CBX8: variants seen among roughly 807,000 people sequenced by gnomAD.
The protein encoded by CBX8 is chromobox protein homolog 8.
A neutral mutation model predicts 39.7 loss-of-function variants in CBX8; 8 were observed. The observed-to-expected ratio is 0.20, with a 90% confidence interval of 0.12 to 0.36. The LOEUF (loss-of-function observed/expected upper bound fraction) is 0.36, where lower values mean the gene tolerates loss of function less well. Ranked by LOEUF, CBX8 falls within the 10% of genes least tolerant of loss-of-function variation. CBX8 has a pLI of 1.00. For missense variants in CBX8, 505 were observed against 529.6 expected, an observed-to-expected ratio of 0.95 and a Z score of 0.46; for synonymous variants, 268 against 219.8, an observed-to-expected ratio of 1.22 and a Z score of -1.94.
Position 79,792,912 on chromosome 17 carries a change from C to A in CBX8, c.*1723G>T, listed in dbSNP as rs1907929443. 1 of 147,930 alleles carries A rather than the reference C, an allele frequency of 6.8e-6. No homozygotes were observed. Among genetic ancestry groups the A allele is most frequent in the East Asian group, 2.2e-4 (1 of 4,634 alleles). The allele number at this position is 147,930 out of a possible 1,614,324, so 9.2% of individuals were successfully genotyped here. Reference sequence around the variant, plus strand: ...ACGCGAAGCTCCCCCACCCCCGACTCCCCGCCTCGCTCCCCCCGAGTCTGT... The same window carrying A: ...ACGCGAAGCTCCCCCACCCCCGACTACCCGCCTCGCTCCCCCCGAGTCTGT... On this transcript the variant is annotated 3_prime_UTR_variant, in exon 5 of 5. Coordinates refer to ENST00000269385, the MANE Select transcript of CBX8 (RefSeq NM_020649.3).
Position 79,795,271 on chromosome 17 carries a change from TCGTTCCCTCTCA to T in CBX8, c.522_533del (p.Glu177_Arg180del). 1.4e-5 allele frequency: 23 copies of T among 1,608,056 alleles called. No homozygotes were observed. The highest frequency in any genetic ancestry group is 1.9e-5 in the Non-Finnish European group (22 of 1,177,458). On this transcript the variant is annotated inframe_deletion, in exon 5 of 5. Coordinates refer to ENST00000269385, the MANE Select transcript of CBX8 (RefSeq NM_020649.3). This position sits in a 1 kb window ranked among gnomAD's most constrained non-coding sequence, Gnocchi z 5.8. ...CATCCACTCTGCTGGTACCCCGCTC[TCGTTCCCTCTCA>T]CGTTCCCGCTCCCTCTCTCGCTCCC...
chr17:79,794,819 C>A lies in CBX8; in HGVS notation c.986G>T (p.Gly329Val). 6.2e-7 allele frequency: 1 copy of A among 1,608,328 alleles called. No homozygotes were observed. The highest frequency in any genetic ancestry group is 1.1e-5 in the South Asian group (1 of 90,612). ...GATCCTGGCGATGAGGGAGGGCCTT[C>A]CCCCCTGGGCCCCCATGTCCCGGTA... ...GLYRDMGAQG[G>V]RPSLIARIPV... Residue 329 changes from glycine (G) to valine (V), a missense_variant, in exon 5 of 5, where the codon GGA (glycine) becomes GTA (valine). Transcript: ENST00000269385.
rs1043714236 is a variant in CBX8 at position 79,795,769 on chromosome 17, G to A, written c.247-211C>T. Among the ~76,000 whole-genome samples the A allele has an allele frequency of 1.3e-5, 2 of 152,190 alleles. No individual in the cohort carries two copies. The highest frequency in any genetic ancestry group is 4.8e-5 in the African/African-American group (2 of 41,428). On this transcript the variant is annotated intron_variant, in intron 4 of 4. Transcript: ENST00000269385. This position sits in a 1 kb window ranked among gnomAD's most constrained non-coding sequence, Gnocchi z 5.8. ...GAGAGGTAGAAGGATGAGAGAAGAG[G>A]TAGAAGATTTGGCTGGAAGTAGTCA...
rs775125297 is a variant in CBX8 at position 79,794,992 on chromosome 17, G to A, written c.813C>T (p.Ala271=). 7.3e-5 allele frequency: 118 copies of A among 1,605,784 alleles called. No individual in the cohort carries two copies. Among genetic ancestry groups the A allele is most frequent in the Non-Finnish European group, 1.4e-5 (16 of 1,175,628 alleles). The change falls in exon 5 of 5, where the codon GCC becomes GCT. Residue 271 remains alanine, a synonymous_variant. Coordinates refer to ENST00000269385, the MANE Select transcript of CBX8 (RefSeq NM_020649.3). ...CGVTSPSSAE[A]TGKLAVDTFP... is the part of the protein sequence containing the mutation. ...AGGTGTCCACAGCCAGTTTGCCCGT[G>A]GCCTCAGCTGAGCTAGGGCTGGTCA...
rs548721125 is a variant in CBX8 at position 79,794,584 on chromosome 17, C to T, written c.*51G>A. On this transcript the variant is annotated 3_prime_UTR_variant, in exon 5 of 5. Coordinates refer to ENST00000269385, the MANE Select transcript of CBX8 (RefSeq NM_020649.3). ...CAGAAATAAAAATCACTATGCCAAG[C>T]TCACGCTCACTCTCTCCCCTGCTCT... 1.4e-4 allele frequency: 192 copies of T among 1,380,934 alleles called. No individual in the cohort carries two copies. The highest frequency in any genetic ancestry group is 1.8e-4 in the Non-Finnish European group (186 of 1,015,546). 85.5% of individuals were successfully genotyped at this position (1,380,934 alleles called of 1,614,324 possible). A position where few individuals can be genotyped will look rare whatever the true frequency, so the allele number is the denominator to read the frequency against.
rs1907994042 is a variant in CBX8 at position 79,794,546 on chromosome 17, G to A, written c.*89C>T. The A allele has an allele frequency of 2.8e-6, 3 of 1,056,420 alleles. No individual in the cohort carries two copies. Among genetic ancestry groups the A allele is most frequent in the Admixed American group, 2.6e-5 (1 of 38,910 alleles). 65.4% of individuals were successfully genotyped at this position (1,056,420 alleles called of 1,614,324 possible). On this transcript the variant is annotated 3_prime_UTR_variant, in exon 5 of 5. Transcript: ENST00000269385. The stretch of plus-strand genomic sequence containing the variant: ...CATCAGGGACGGGACCAGCCAAAAG[G>A]CCACATCCCACCCAGAAATAAAAAT...
At chr17:79,796,459 AAC>A (rs1292817442) in intron 2 of CBX8, 36 bp downstream of exon 2, 3 of 1,613,350 alleles carry the variant, frequency 1.9e-6, no homozygotes, top group African/African-American at 2.7e-5. Context: ...CCTCCCGAAT[AAC>A]AGTCTGGGGT....
chr17:79,796,576 G>A lies in CBX8; in HGVS notation c.70-36C>T, dbSNP rs1255128008. ...AAAGGCGATAATGTGTGTGCATGGG[G>A]AGAAACGCATGACGAGGATACAAGA... On this transcript the variant is annotated intron_variant, in intron 1 of 4. Coordinates refer to ENST00000269385, the MANE Select transcript of CBX8 (RefSeq NM_020649.3). 2.5e-6 allele frequency: 4 copies of A among 1,611,118 alleles called. No homozygotes were observed. In the African/African-American group the frequency reaches 5.3e-5, roughly 22 times the overall value.
Position 79,795,373 on chromosome 17 carries a change from T to C in CBX8, c.432A>G (p.Ala144=). 1 of 1,598,164 alleles carries C rather than the reference T, an allele frequency of 6.3e-7. No homozygotes were observed. The highest frequency in any genetic ancestry group is 8.5e-7 in the Non-Finnish European group (1 of 1,172,986). The change falls in exon 5 of 5, where the codon GCA becomes GCG. Residue 144 remains alanine, a synonymous_variant. Coordinates refer to ENST00000269385, the MANE Select transcript of CBX8 (RefSeq NM_020649.3). The surrounding 1 kb of genome is among the most constrained non-coding windows in gnomAD (Gnocchi z 5.8). ...SSTSTSSTCR[A]EAPRDRDRDR... ...CTCGGTCCCGGTCCCGAGGGGCCTCTGCGCGGCAGGTGCTGCTGGTGCTGG... is the reference window on the plus strand; with the variant it reads ...CTCGGTCCCGGTCCCGAGGGGCCTCCGCGCGGCAGGTGCTGCTGGTGCTGG...
rs1907917295 is a variant in CBX8 at position 79,792,653 on chromosome 17, C to G, written c.*1982G>C. 6.6e-6 allele frequency: 1 copy of G among 152,210 alleles called. No individual in the cohort carries two copies. The highest frequency in any genetic ancestry group is 2.4e-5 in the African/African-American group (1 of 41,446). 9.4% of individuals were successfully genotyped at this position (152,210 alleles called of 1,614,324 possible). ...TTAAATAGATACACTCGGTCAACGG[C>G]GCTTCTTTATACAAAGTCTAAAATA... On this transcript the variant is annotated 3_prime_UTR_variant, in exon 5 of 5. Transcript: ENST00000269385.
chr17:79,795,818 A>G lies in CBX8; in HGVS notation c.246+239T>C, dbSNP rs1490121004. On this transcript the variant is annotated intron_variant, in intron 4 of 4. Transcript: ENST00000269385. The surrounding 1 kb of genome is among the most constrained non-coding windows in gnomAD (Gnocchi z 5.8). ...CATTTGCAAAAAGTACACTTTTTGC[A>G]TTTGATTATTGTGTCCATTTGGGAG... Among the ~76,000 whole-genome samples the G allele has an allele frequency of 1.3e-5, 2 of 152,152 alleles. No homozygotes were observed. Among genetic ancestry groups the G allele is most frequent in the African/African-American group, 4.8e-5 (2 of 41,438 alleles).
At position 79,794,733 on chromosome 17, in the gene CBX8, G is replaced by C; in HGVS notation, c.1072C>G (p.Leu358Val). 1.2e-6 allele frequency: 2 copies of C among 1,613,290 alleles called. No individual in the cohort carries two copies. Among genetic ancestry groups the C allele is most frequent in the Non-Finnish European group, 1.7e-6 (2 of 1,179,512 alleles). ...ACGTCCGTGACCACCACCTTCTCCAGGTTAGTCAGGGAGGGGCTCCAGGAC... is the reference window on the plus strand; with the variant it reads ...ACGTCCGTGACCACCACCTTCTCCACGTTAGTCAGGGAGGGGCTCCAGGAC... ...EESWSPSLTN[L>V]EKVVVTDVTS... Residue 358 changes from leucine to valine, a missense_variant, in exon 5 of 5, where the codon CTG becomes GTG. Leu to Val is a conservative substitution (Grantham distance 32, BLOSUM62 1). Coordinates refer to ENST00000269385, the MANE Select transcript of CBX8 (RefSeq NM_020649.3).
Position 79,792,766 on chromosome 17 carries a change from T to A in CBX8, c.*1869A>T, listed in dbSNP as rs1392140437. On this transcript the variant is annotated 3_prime_UTR_variant, in exon 5 of 5. Coordinates refer to ENST00000269385, the MANE Select transcript of CBX8 (RefSeq NM_020649.3). The stretch of plus-strand genomic sequence containing the variant: ...ATTTGATATTCAAAAACAAACACAA[T>A]CATGTAGTACACCGTTTCCCTCCTT... 2 of 152,118 alleles carry A rather than the reference T, an allele frequency of 1.3e-5. No individual in the cohort carries two copies. The highest frequency in any genetic ancestry group is 3.9e-4 in the East Asian group (2 of 5,180). The allele number at this position is 152,118 out of a possible 1,614,324, so 9.4% of individuals were successfully genotyped here.
chr17:79,795,935 T>A lies in CBX8; in HGVS notation c.246+122A>T, dbSNP rs1259025757. On this transcript the variant is annotated intron_variant, in intron 4 of 4. Transcript: ENST00000269385. The surrounding 1 kb of genome is among the most constrained non-coding windows in gnomAD (Gnocchi z 5.8). ...ACTTGGTGACATCTTGTCAGGGAAC[T>A]CCCTCCTACATTACAAATAGGCAAC... 7 of 862,488 alleles carry A rather than the reference T, an allele frequency of 8.1e-6. No homozygotes were observed. Among genetic ancestry groups the A allele is most frequent in the Admixed American group, 4.2e-5 (2 of 47,314 alleles). 53.4% of individuals were successfully genotyped at this position (862,488 alleles called of 1,614,324 possible).
rs1307934673 is a variant in CBX8, at chr17:79,795,915, G to A, written c.246+142C>T. 1 of 775,814 alleles carries A rather than the reference G, an allele frequency of 1.3e-6. No homozygotes were observed. 48.1% of individuals were successfully genotyped at this position (775,814 alleles called of 1,614,324 possible). A position where few individuals can be genotyped will look rare whatever the true frequency, so the allele number is the denominator to read the frequency against. On this transcript the variant is annotated intron_variant, in intron 4 of 4. Transcript: ENST00000269385. This position sits in a 1 kb window ranked among gnomAD's most constrained non-coding sequence, Gnocchi z 5.8. ...CACAGTTGGTGCTGCTACTGACTTGGTGACATCTTGTCAGGGAACTCCCTC... is the reference window on the plus strand; with the variant it reads ...CACAGTTGGTGCTGCTACTGACTTGATGACATCTTGTCAGGGAACTCCCTC...
intron 1 of CBX8, 82 bp downstream of exon 1, chr17:79,796,848 C>T: frequency 7.5e-7 from 1 of 1,334,564 alleles, no homozygotes; most frequent in Non-Finnish European, 1.0e-6. Context: ...GGAAGGGAAG[C>T]TGGGCTGCAG....
In CBX8 at chr17:79,794,991, T is replaced by G. The variant is rs767103069; in HGVS notation, c.814A>C (p.Thr272Pro). ...GVTSPSSAEATGKLAVDTFPA... is the reference protein window; with the variant it reads ...GVTSPSSAEAPGKLAVDTFPA... ...AAGGTGTCCACAGCCAGTTTGCCCG[T>G]GGCCTCAGCTGAGCTAGGGCTGGTC... The change falls in exon 5 of 5, where the codon ACG (threonine) becomes CCG (proline). Residue 272 changes from threonine to proline, a missense_variant. Physicochemically the swap from Thr to Pro is conservative, Grantham distance 38. This residue lies in a region of CBX8 where 456 missense variants were observed against 389.2 expected (regional missense o/e 1.17). Coordinates refer to ENST00000269385, the MANE Select transcript of CBX8 (RefSeq NM_020649.3). 1.2e-6 allele frequency: 2 copies of G among 1,605,726 alleles called. No homozygotes were observed. The highest frequency in any genetic ancestry group is 8.5e-7 in the Non-Finnish European group (1 of 1,175,528).
rs181697451 is a variant in CBX8, at chr17:79,793,868, T to G, written c.*767A>C. ...AGGGAACGGGGAGATTTTATCCACATGACATACACACGATCTGCGTGTACC... is the reference window on the plus strand; with the variant it reads ...AGGGAACGGGGAGATTTTATCCACAGGACATACACACGATCTGCGTGTACC... On this transcript the variant is annotated 3_prime_UTR_variant, in exon 5 of 5. Coordinates refer to ENST00000269385, the MANE Select transcript of CBX8 (RefSeq NM_020649.3). 1 of 152,164 alleles carries G rather than the reference T, an allele frequency of 6.6e-6. No homozygotes were observed. The highest frequency in any genetic ancestry group is 1.5e-5 in the Non-Finnish European group (1 of 68,030). The allele number at this position is 152,164 out of a possible 1,614,324, so 9.4% of individuals were successfully genotyped here.
At chr17:79,796,199 G>T in intron 3 of CBX8, 51 bp downstream of exon 3, 1 of 1,613,148 alleles carries the variant, frequency 6.2e-7, no homozygotes, top group Non-Finnish European at 8.5e-7. Flanking sequence ...CTGGAAAGAA[G>T]CCACTCTACT....
Sources: gnomAD v4.1 joint callset for allele counts (sites outside exome capture counted in the v4.1 genomes callset) on GRCh38, gnomAD v4.1.1 for gene constraint, gnomAD v4.1.1 regional missense constraint, Gnocchi (gnomAD v3.1) non-coding constraint, MANE v1.5 for transcripts, NCBI Gene and HGNC (gene_info 2026-07-23, HGNC 2026-07-21) for gene names.